Variants in SHANK2 observed in about 807,000 individuals in gnomAD.
SHANK2 encodes SH3 and multiple ankyrin repeat domains protein 2.
Under a neutral mutation model 133.7 loss-of-function variants are expected in SHANK2, and 43 were observed. The ratio of observed to expected loss-of-function variants is 0.32; its 90% confidence interval spans 0.25 to 0.41. The LOEUF is 0.41. Ranked by LOEUF, SHANK2 falls within the 10% of genes least tolerant of loss-of-function variation. SHANK2 has a pLI of 1.00. For synonymous variants in SHANK2, 1,017 were observed against 952.8 expected (o/e 1.07, Z -1.24); for missense variants, 1,994 against 2,235.8 (o/e 0.89, Z 2.18).
intron 15 of SHANK2, among the ~76,000 whole-genome samples, chr11:70,684,199 C>T (rs918410808): frequency 3.3e-5 from 5 of 152,140 alleles, no homozygotes; most frequent in Admixed American, 6.5e-5. Flanking sequence ...TCACTGTCCC[C>T]GTCCCCCTAC....
intron 13 of SHANK2, among the ~76,000 whole-genome samples, chr11:70,803,941 G>T (rs187469958): frequency 6.6e-6 from 1 of 152,204 alleles, no homozygotes; most frequent in African/African-American, 2.4e-5. Context: ...ACTGTCTACT[G>T]GGAACGTCAA....
chr11:70,744,764 G>C (rs1946603560), intron 14 of SHANK2, among the ~76,000 whole-genome samples: 1 of 152,206 alleles, frequency 6.6e-6, no homozygotes, highest in South Asian at 2.1e-4. Flanking sequence ...GGCTGTGGGA[G>C]CCCTGGCTGG....
chr11:70,721,968 C>T (rs1946083281), intron 14 of SHANK2, among the ~76,000 whole-genome samples: 1 of 152,254 alleles, frequency 6.6e-6, no homozygotes, highest in African/African-American at 2.4e-5. Context: ...GGTGGCAGGG[C>T]CCGTCGAGGT....
rs574855368 is a variant in SHANK2, at chr11:70,673,455, G to A, written c.1854-11777C>T. 5.6e-4 allele frequency among the ~76,000 whole-genome samples: 86 copies of A among 152,306 alleles called. 2 individuals are homozygous for A. The South Asian group carries it at 8.5e-3, about 15-fold the overall frequency. Reference sequence around the variant, plus strand: ...GCTCGCCCACAAAGACCATGCTGGCGGGCCATGGGACAGGCCACAGGGGTC... The same window carrying A: ...GCTCGCCCACAAAGACCATGCTGGCAGGCCATGGGACAGGCCACAGGGGTC... On this transcript the variant is annotated intron_variant, in intron 15 of 25. Coordinates refer to ENST00000601538, the MANE Select transcript of SHANK2 (RefSeq NM_012309.5).
chr11:70,806,823 TC>T, intron 13 of SHANK2, among the ~76,000 whole-genome samples, 178 bp downstream of exon 13: 1 of 152,300 alleles, frequency 6.6e-6, no homozygotes, highest in African/African-American at 2.4e-5. Flanking sequence ...CCGCAGCAGC[TC>T]CCTGGAGAGT....
At chr11:71,215,795 A>AC (rs1374820897) in intron 2 of SHANK2, among the ~76,000 whole-genome samples, 2 of 152,006 alleles carry the variant, frequency 1.3e-5, no homozygotes, top group Non-Finnish European at 1.5e-5. Context: ...CAGAAGCGGC[A>AC]CCCCCACTCT....
chr11:70,949,853 C>T (rs537719311), intron 10 of SHANK2, among the ~76,000 whole-genome samples: 137 of 152,338 alleles, frequency 9.0e-4, no homozygotes, highest in African/African-American at 3.1e-3. Flanking sequence ...CCTCCACCTG[C>T]GCGTCTTAGT....
chr11:70,606,087 G>T (rs1390002847), intron 17 of SHANK2, among the ~76,000 whole-genome samples: 1 of 152,148 alleles, frequency 6.6e-6, no homozygotes, highest in African/African-American at 2.4e-5. Flanking sequence ...CTGCTGCCAG[G>T]AAGTGTGCAT....
chr11:70,584,131 A>C (rs2060218712), intron 17 of SHANK2, among the ~76,000 whole-genome samples: 1 of 151,900 alleles, frequency 6.6e-6, no homozygotes, highest in Non-Finnish European at 1.5e-5. Context: ...CTTTGGCTCC[A>C]CTCTGCCCTT....
At chr11:70,686,996 A>ACC (rs1945170638) in intron 15 of SHANK2, among the ~76,000 whole-genome samples, 1 of 151,892 alleles carries the variant, frequency 6.6e-6, no homozygotes, top group African/African-American at 2.4e-5. Flanking sequence ...CCCTCTGGAT[A>ACC]CCTCTGCCCA....
intron 14 of SHANK2, among the ~76,000 whole-genome samples, chr11:70,729,341 A>G (rs1385599460): frequency 2.0e-5 from 3 of 152,134 alleles, no homozygotes; most frequent in Non-Finnish European, 4.4e-5. Context: ...ACATGTCCAC[A>G]GAGGCAGAAA....
At chr11:70,884,391 T>C (rs1949704767) in intron 11 of SHANK2, among the ~76,000 whole-genome samples, 1 of 152,204 alleles carries the variant, frequency 6.6e-6, no homozygotes, top group Admixed American at 6.5e-5. Context: ...ACCACACAAA[T>C]CTGCACAGCT....
chr11:70,824,940 C>T (rs1218705259), intron 11 of SHANK2, among the ~76,000 whole-genome samples: 1 of 152,130 alleles, frequency 6.6e-6, no homozygotes, highest in Non-Finnish European at 1.5e-5. Flanking sequence ...CTCAAACAGA[C>T]ACAGCCAGCA....
chr11:70,679,060 C>A (rs1944969490), intron 15 of SHANK2, among the ~76,000 whole-genome samples: 2 of 152,148 alleles, frequency 1.3e-5, no homozygotes, highest in Non-Finnish European at 2.9e-5. Flanking sequence ...AAGAAGACAC[C>A]AGGCCCGTAA....
At chr11:70,955,431 G>A (rs1166132953) in intron 10 of SHANK2, among the ~76,000 whole-genome samples, 5 of 140,748 alleles carry the variant, frequency 3.6e-5, no homozygotes, top group African/African-American at 5.2e-5. Context: ...GGGTGTGTGT[G>A]TGTGTGTGTG....
chr11:70,564,038 C>T (rs1333818135), intron 17 of SHANK2, among the ~76,000 whole-genome samples: 2 of 152,090 alleles, frequency 1.3e-5, no homozygotes, highest in African/African-American at 4.8e-5. Context: ...CTTCATGTGT[C>T]ACGTGTCCTT....
At chr11:70,629,872 C>G (rs1555001412) in intron 17 of SHANK2, among the ~76,000 whole-genome samples, 1 of 152,166 alleles carries the variant, frequency 6.6e-6, no homozygotes, top group African/African-American at 2.4e-5. Context: ...CCATTCTAGT[C>G]CCCTTCCTCA....
At position 70,739,224 on chromosome 11, in the gene SHANK2, G is replaced by A. The variant is rs1946471361; in HGVS notation, c.1778-40461C>T. Among the ~76,000 whole-genome samples the A allele has an allele frequency of 6.6e-6, 1 of 152,308 alleles. No individual in the cohort carries two copies. The highest frequency in any genetic ancestry group is 2.4e-5 in the African/African-American group (1 of 41,584). On this transcript the variant is annotated intron_variant, in intron 14 of 25. Coordinates refer to ENST00000601538, the MANE Select transcript of SHANK2 (RefSeq NM_012309.5). The surrounding 1 kb of genome is among the most constrained non-coding windows in gnomAD (Gnocchi z 4.3). ...GGGCCTGATGGTGGGGATGCGGCAT[G>A]TGAACTTCAGGGGCACACAAAGCCC...
chr11:71,109,979 C>G lies in SHANK2; in HGVS notation c.554G>C (p.Arg185Pro), dbSNP rs201655220. 1 of 1,551,532 alleles carries G rather than the reference C, an allele frequency of 6.4e-7. No homozygotes were observed. Among genetic ancestry groups the G allele is most frequent in the African/African-American group, 1.4e-5 (1 of 73,020 alleles). The change falls in exon 6 of 26, where the codon CGA becomes CCA. Residue 185 changes from arginine (R) to proline (P), a missense_variant. Arg to Pro is a moderately radical substitution (Grantham distance 103, BLOSUM62 -2). Coordinates refer to ENST00000601538, the MANE Select transcript of SHANK2 (RefSeq NM_012309.5). ...GTCGTGGAAATTGGGATCCAGGCCT[C>G]GGTCCAGCATCTTGGTGATCTTCTC... The part of the protein sequence containing the change: ...LVEKITKMLD[R>P]GLDPNFHDPE...
Sources: gnomAD v4.1 joint callset for allele counts (sites outside exome capture counted in the v4.1 genomes callset) on GRCh38, gnomAD v4.1.1 for gene constraint, Gnocchi (gnomAD v3.1) non-coding constraint, MANE v1.5 for transcripts, NCBI Gene and HGNC (gene_info 2026-07-23, HGNC 2026-07-21) for gene names.